EBF1: variants seen among roughly 807,000 people sequenced by gnomAD.
The protein encoded by EBF1 is transcription factor COE1.
EBF1 carries 10 observed loss-of-function variants against 68.4 expected under a neutral mutation model. The ratio of observed to expected loss-of-function variants is 0.15; its 90% CI spans 0.09 to 0.25. The LOEUF is 0.25. EBF1 is among the 10% of genes least tolerant of loss of function. The pLI is 1.00. For missense variants in EBF1, 509 were observed against 794.4 expected (o/e 0.64, Z 4.32); for synonymous variants, 298 against 299.8 (o/e 0.99, Z 0.06).
intron 6 of EBF1, among the ~76,000 whole-genome samples, chr5:159,006,448 TA>T (rs1464407396): frequency 6.6e-6 from 1 of 151,900 alleles, no homozygotes; most frequent in African/African-American, 2.4e-5. Flanking sequence ...AAAGAGGCTA[TA>T]GGGGGCATAT....
intron 6 of EBF1, among the ~76,000 whole-genome samples, chr5:158,889,662 C>G (rs1464992451): frequency 1.3e-5 from 2 of 152,132 alleles, no homozygotes; most frequent in African/African-American, 2.4e-5. Flanking sequence ...AAATTATTTG[C>G]TCAGATGTTC....
chr5:158,709,398 G>A (rs7707243), intron 14 of EBF1, among the ~76,000 whole-genome samples: 13,000 of 152,046 alleles, frequency 0.086, 1,576 homozygotes, highest in African/African-American at 0.27. Flanking sequence ...GCTAGCCCAA[G>A]GGCCATAGCT....
chr5:159,070,294 A>G (rs1467338166), intron 6 of EBF1, among the ~76,000 whole-genome samples: 1 of 152,200 alleles, frequency 6.6e-6, no homozygotes, highest in Non-Finnish European at 1.5e-5. Context: ...ATTTTTCTAT[A>G]AACTTTTTTG....
intron 6 of EBF1, among the ~76,000 whole-genome samples, chr5:159,008,340 C>T (rs531888940): frequency 6.6e-6 from 1 of 151,972 alleles, no homozygotes; most frequent in Non-Finnish European, 1.5e-5. Context: ...CTAAAATATC[C>T]AATAGCGAGG....
chr5:158,840,830 C>G lies in EBF1; in HGVS notation c.555-720G>C, dbSNP rs569526044. Among the ~76,000 whole-genome samples, 628 of 150,714 alleles carry G rather than the reference C, an allele frequency of 4.2e-3. 3 individuals are homozygous for G. Among genetic ancestry groups the G allele is most frequent in the Middle Eastern group, 6.8e-3 (2 of 292 alleles). ...GGGACTACAGGCGCCCGCCACTACGCCCGGCTAATTTTTTGTATTTTTAGT... is the reference window on the plus strand; with the variant it reads ...GGGACTACAGGCGCCCGCCACTACGGCCGGCTAATTTTTTGTATTTTTAGT... On this transcript the variant is annotated intron_variant, in intron 6 of 15. Transcript: ENST00000313708.
chr5:158,723,065 C>G (rs1212091483), intron 11 of EBF1, among the ~76,000 whole-genome samples: 3 of 152,178 alleles, frequency 2.0e-5, no homozygotes, highest in Non-Finnish European at 4.4e-5. Flanking sequence ...CAGCACTGAG[C>G]TATTGGATAA....
chr5:159,056,131 A>G (rs1277252655), intron 6 of EBF1, among the ~76,000 whole-genome samples: 1 of 152,222 alleles, frequency 6.6e-6, no homozygotes, highest in Non-Finnish European at 1.5e-5. Flanking sequence ...AGCCTGTTGA[A>G]TGATTTATGA....
At chr5:158,921,430 C>T (rs915366365) in intron 6 of EBF1, among the ~76,000 whole-genome samples, 2 of 152,204 alleles carry the variant, frequency 1.3e-5, no homozygotes, top group Non-Finnish European at 2.9e-5. Context: ...CGCATCTGCT[C>T]CTATGGTTCC....
At chr5:158,799,725 G>A (rs553481129) in intron 8 of EBF1, among the ~76,000 whole-genome samples, 3 of 152,124 alleles carry the variant, frequency 2.0e-5, no homozygotes, top group Admixed American at 6.6e-5. Flanking sequence ...TGAATTGCAC[G>A]TGCCCCAGGG....
At chr5:158,894,768 A>T (rs1361595600) in intron 6 of EBF1, among the ~76,000 whole-genome samples, 1 of 152,186 alleles carries the variant, frequency 6.6e-6, no homozygotes, top group Non-Finnish European at 1.5e-5. Context: ...AATGGGACTC[A>T]TGCTTGCCCT....
intron 8 of EBF1, among the ~76,000 whole-genome samples, chr5:158,805,851 CT>C (rs200642824): frequency 3.3e-5 from 5 of 149,824 alleles, no homozygotes; most frequent in African/African-American, 9.8e-5. Context: ...GTGTTTTCTT[CT>C]TTTTTTTTCT....
Position 158,825,210 on chromosome 5 carries a change from G to A in EBF1, c.637-1893C>T, listed in dbSNP as rs1224920103. Among the ~76,000 whole-genome samples, 4 of 152,242 alleles carry A rather than the reference G, an allele frequency of 2.6e-5. No individual in the cohort carries two copies. In the South Asian group the frequency reaches 6.2e-4, roughly 24 times the overall value. On this transcript the variant is annotated intron_variant, in intron 7 of 15. Transcript: ENST00000313708. ...AAAAGAAAGAAGAAGAGAAGAAAAC[G>A]GTCTACTATTTTGCCTTCAAAAACT...
Position 158,696,391 on chromosome 5 carries a change from G to T in EBF1, c.*2720C>A, listed in dbSNP as rs1379399770. 2 of 221,600 alleles carry T rather than the reference G, an allele frequency of 9.0e-6. No individual in the cohort carries two copies. The highest frequency in any genetic ancestry group is 1.8e-5 in the Non-Finnish European group (2 of 110,826). The allele number at this position is 221,600 out of a possible 1,614,324, so 13.7% of individuals were successfully genotyped here. A position where few individuals can be genotyped will look rare whatever the true frequency, so the allele number is the denominator to read the frequency against. On this transcript the variant is annotated 3_prime_UTR_variant, in exon 16 of 16. Coordinates refer to ENST00000313708, the MANE Select transcript of EBF1 (RefSeq NM_024007.5). Reference sequence around the variant, plus strand: ...TTATACACATTTTAAAGGCTCTTTGGACTTTCAAGAAGAGTTCTAACCACT... The same window carrying T: ...TTATACACATTTTAAAGGCTCTTTGTACTTTCAAGAAGAGTTCTAACCACT...
intron 1 of EBF1, 61 bp from the exon 2 acceptor site, chr5:159,097,191 C>G: frequency 6.4e-7 from 1 of 1,550,536 alleles, no homozygotes; most frequent in Non-Finnish European, 8.7e-7. Context: ...CCCCTTGTCA[C>G]CCTGTACACA....
At chr5:159,099,188 G>T (rs1783183506) in intron 1 of EBF1, among the ~76,000 whole-genome samples, 157 bp downstream of exon 1, 1 of 152,122 alleles carries the variant, frequency 6.6e-6, no homozygotes. Flanking sequence ...AGAGCGGCTG[G>T]AGAGCGCGGA....
intron 6 of EBF1, among the ~76,000 whole-genome samples, chr5:158,860,729 C>A (rs2128029615): frequency 6.6e-6 from 1 of 152,330 alleles, no homozygotes; most frequent in South Asian, 2.1e-4. Context: ...ATGGCTCAGA[C>A]TCTTTTGCTC....
At chr5:158,807,370 G>A (rs1472780923) in intron 8 of EBF1, among the ~76,000 whole-genome samples, 1 of 152,144 alleles carries the variant, frequency 6.6e-6, no homozygotes, top group Non-Finnish European at 1.5e-5. Context: ...CCAAAAGGAA[G>A]ATGATTTCTG....
At chr5:158,706,841 CA>C (rs1297632755) in intron 15 of EBF1, among the ~76,000 whole-genome samples, 26 of 152,166 alleles carry the variant, frequency 1.7e-4, no homozygotes, top group African/African-American at 6.0e-4. Flanking sequence ...CAATGAAGAC[CA>C]TAATGGCCCT....
chr5:158,782,624 G>A (rs534017598), intron 9 of EBF1, among the ~76,000 whole-genome samples: 77 of 152,242 alleles, frequency 5.1e-4, no homozygotes, highest in South Asian at 1.5e-3. Flanking sequence ...TTGTGCCACT[G>A]CTGTCCAGCC....
Sources: allele counts gnomAD v4.1 joint callset (sites outside exome capture counted in the v4.1 genomes callset), GRCh38; gene constraint gnomAD v4.1.1; transcripts MANE v1.5; gene names NCBI Gene and HGNC (gene_info 2026-07-23, HGNC 2026-07-21).